Variants in MACROD2 observed in about 807,000 individuals in gnomAD.
MACROD2 encodes mono-ADP ribosylhydrolase 2, also known as ADP-ribose glycohydrolase MACROD2.
Under a neutral mutation model 70.4 loss-of-function variants are expected in MACROD2, and 36 were observed. That is an observed-to-expected ratio of 0.51 (90% CI 0.39 to 0.68). MACROD2 has a LOEUF of 0.68. Ranked by LOEUF, MACROD2 falls within the 30% of genes least tolerant of loss-of-function variation. The pLI, the probability that MACROD2 is intolerant of heterozygous loss-of-function variation, is 0.00. For missense variants in MACROD2, 496 were observed against 538.4 expected (o/e 0.92, Z 0.78); for synonymous variants, 172 against 178.8 (o/e 0.96, Z 0.30).
intron 5 of MACROD2, among the ~76,000 whole-genome samples, chr20:14,911,739 C>A (rs183960579): frequency 5.9e-4 from 89 of 152,034 alleles, no homozygotes; most frequent in African/African-American, 2.1e-3. Flanking sequence ...GTACTGGAAA[C>A]CTTGAACATC....
At chr20:14,057,708 G>A (rs1257188936) in intron 2 of MACROD2, among the ~76,000 whole-genome samples, 1 of 152,250 alleles carries the variant, frequency 6.6e-6, no homozygotes, top group Non-Finnish European at 1.5e-5. Context: ...CCACTAAAAG[G>A]CAAGCACAGT....
intron 3 of MACROD2, among the ~76,000 whole-genome samples, chr20:14,338,454 A>G (rs1002401414): frequency 1.3e-5 from 2 of 152,046 alleles, no homozygotes; most frequent in Admixed American, 1.3e-4. Flanking sequence ...TTTAAATGGT[A>G]TTAAATGGTC....
intron 4 of MACROD2, among the ~76,000 whole-genome samples, chr20:14,584,147 A>G (rs1221390109): frequency 6.6e-6 from 1 of 152,214 alleles, no homozygotes; most frequent in Non-Finnish European, 1.5e-5. Flanking sequence ...CCTATCCAGG[A>G]AACTCAAGTG....
chr20:14,995,427 A>C (rs1040661942), intron 5 of MACROD2, among the ~76,000 whole-genome samples: 2 of 151,998 alleles, frequency 1.3e-5, no homozygotes, highest in African/African-American at 2.4e-5. Context: ...TGTAATCCCC[A>C]CACTTTGGGA....
intron 3 of MACROD2, among the ~76,000 whole-genome samples, chr20:14,143,656 G>A (rs1208025765): frequency 6.6e-6 from 1 of 152,034 alleles, no homozygotes; most frequent in Admixed American, 6.6e-5. Flanking sequence ...GTGTATGTTG[G>A]TTCATACACT....
chr20:14,127,647 A>G, intron 3 of MACROD2: 1 of 423,928 alleles, frequency 2.4e-6, no homozygotes, highest in Non-Finnish European at 4.5e-6. Flanking sequence ...AACAGAATGA[A>G]GCAAATACCA....
chr20:15,811,894 G>A (rs1442971223), intron 8 of MACROD2, among the ~76,000 whole-genome samples: 1 of 152,160 alleles, frequency 6.6e-6, no homozygotes, highest in Non-Finnish European at 1.5e-5. Context: ...GAGTCTGGTG[G>A]CTAAAAAGAG....
At chr20:16,041,571 G>T (rs2147612082) in intron 16 of MACROD2, among the ~76,000 whole-genome samples, 1 of 152,018 alleles carries the variant, frequency 6.6e-6, no homozygotes, top group Middle Eastern at 3.4e-3. Flanking sequence ...AGTCTATCTA[G>T]TGAACTTTAT....
chr20:15,697,974 G>C (rs1173912597), intron 8 of MACROD2, among the ~76,000 whole-genome samples: 7 of 152,126 alleles, frequency 4.6e-5, no homozygotes, highest in African/African-American at 1.7e-4. Flanking sequence ...TCTCCTAAAG[G>C]CAGCAGATGG....
chr20:14,781,900 T>C (rs1467551332), intron 5 of MACROD2, among the ~76,000 whole-genome samples: 1 of 151,844 alleles, frequency 6.6e-6, no homozygotes, highest in Admixed American at 6.6e-5. Flanking sequence ...TGTGTTGTAG[T>C]GGGCTAAAAT....
intron 8 of MACROD2, among the ~76,000 whole-genome samples, chr20:15,837,548 G>A (rs866030515): frequency 6.6e-6 from 1 of 151,952 alleles, no homozygotes; most frequent in African/African-American, 2.4e-5. Flanking sequence ...TTGATCACTA[G>A]CCCCATCAAT....
chr20:14,138,588 G>T (rs1258735113), intron 3 of MACROD2, among the ~76,000 whole-genome samples: 4 of 152,242 alleles, frequency 2.6e-5, no homozygotes, highest in African/African-American at 9.6e-5. Flanking sequence ...AATTTAGTAT[G>T]TACAGCATGG....
chr20:15,021,158 G>T (rs1443046708), intron 5 of MACROD2, among the ~76,000 whole-genome samples: 2 of 129,474 alleles, frequency 1.5e-5, no homozygotes, highest in South Asian at 2.5e-4. Flanking sequence ...ACACACACCT[G>T]TGTGTATGTA....
At chr20:14,886,775 G>C (rs1441273881) in intron 5 of MACROD2, among the ~76,000 whole-genome samples, 2 of 152,054 alleles carry the variant, frequency 1.3e-5, no homozygotes, top group Non-Finnish European at 2.9e-5. Flanking sequence ...TCTTTATATT[G>C]GTTGTAGTAA....
intron 13 of MACROD2, among the ~76,000 whole-genome samples, chr20:15,979,945 T>C (rs1171029883): frequency 6.6e-6 from 1 of 152,150 alleles, no homozygotes; most frequent in Non-Finnish European, 1.5e-5. Context: ...GCTGGGAGCA[T>C]CGACAAGCTA....
In MACROD2 at chr20:15,655,316, C is replaced by CT. The variant is rs10595680; in HGVS notation, c.645+155487dup. ...TTTATATTCATTTTTTAGAGTTCCA[C>CT]TTTTTTTTTTTTTTTTTTAACATTC... On this transcript the variant is annotated intron_variant, in intron 8 of 17. Transcript: ENST00000684519. 2.8e-3 allele frequency among the ~76,000 whole-genome samples: 396 copies of CT among 140,020 alleles called. 1 individual carries two copies. The highest frequency in any genetic ancestry group is 0.011 in the Middle Eastern group (3 of 268). 91.9% of individuals were successfully genotyped at this position (140,020 alleles called of 152,430 possible).
intron 15 of MACROD2, among the ~76,000 whole-genome samples, chr20:15,989,281 TCAA>T (rs892371231): frequency 2.0e-5 from 3 of 152,156 alleles, no homozygotes; most frequent in African/African-American, 4.8e-5. Flanking sequence ...ACATTATCCT[TCAA>T]CAACAACAAC....
intron 16 of MACROD2, among the ~76,000 whole-genome samples, chr20:16,043,544 A>ATGCC (rs1163475072): frequency 1.3e-5 from 2 of 152,112 alleles, no homozygotes; most frequent in African/African-American, 4.8e-5. Context: ...AGTGAGTGCT[A>ATGCC]TGCCTGCTCT....
At chr20:14,615,023 AC>A (rs1045805580) in intron 4 of MACROD2, among the ~76,000 whole-genome samples, 32 of 152,080 alleles carry the variant, frequency 2.1e-4, no homozygotes, top group African/African-American at 7.7e-4. Flanking sequence ...AAGCTATGGA[AC>A]CATTGAAATA....
Sources: allele counts gnomAD v4.1 joint callset (sites outside exome capture counted in the v4.1 genomes callset), GRCh38; gene constraint gnomAD v4.1.1; transcripts MANE v1.5; gene names NCBI Gene and HGNC (gene_info 2026-07-23, HGNC 2026-07-21).